The following IGF2BP3 variants were observed in gnomAD, a reference collection of about 807,000 sequenced individuals.
IGF2BP3 encodes the protein insulin like growth factor 2 mRNA binding protein 3.
Under a neutral mutation model 73.8 loss-of-function variants are expected in IGF2BP3, and 9 were observed. That is an observed-to-expected ratio of 0.12 (90% CI 0.07 to 0.21). IGF2BP3 has a LOEUF of 0.21. IGF2BP3 is among the 10% of genes least tolerant of loss of function. IGF2BP3 has a pLI of 1.00. For missense variants in IGF2BP3, 542 were observed against 714.0 expected (o/e 0.76, Z 2.75); for synonymous variants, 258 against 256.7 (o/e 1.01, Z -0.05).
intron 3 of IGF2BP3, 119 bp downstream of exon 3, chr7:23,418,657 G>A: frequency 1.5e-6 from 1 of 648,256 alleles, no homozygotes; most frequent in Non-Finnish European, 2.7e-6. Flanking sequence ...CGGGTCATAG[G>A]AGAAGAATTT....
At chr7:23,427,727 G>A (rs1473074728) in intron 2 of IGF2BP3, among the ~76,000 whole-genome samples, 3 of 152,060 alleles carry the variant, frequency 2.0e-5, no homozygotes, top group African/African-American at 7.2e-5. Flanking sequence ...GAAAAATTAG[G>A]CCAGGCACAG....
At chr7:23,350,615 T>C (rs1305426139) in intron 6 of IGF2BP3, among the ~76,000 whole-genome samples, 1 of 152,254 alleles carries the variant, frequency 6.6e-6, no homozygotes, top group Non-Finnish European at 1.5e-5. Flanking sequence ...TCAAACATAA[T>C]TCACATACAG....
At chr7:23,354,815 A>G (rs1785051925) in intron 5 of IGF2BP3, among the ~76,000 whole-genome samples, 1 of 152,226 alleles carries the variant, frequency 6.6e-6, no homozygotes, top group Non-Finnish European at 1.5e-5. Context: ...GAATGCAGAC[A>G]GCCACTACTG....
intron 2 of IGF2BP3, among the ~76,000 whole-genome samples, chr7:23,456,948 C>T (rs749204397): frequency 5.9e-5 from 9 of 152,118 alleles, no homozygotes; most frequent in Non-Finnish European, 1.0e-4. Context: ...ACTCGGGAGG[C>T]TGAGGCAGGA....
intron 3 of IGF2BP3, among the ~76,000 whole-genome samples, chr7:23,396,217 A>G (rs555454636): frequency 6.6e-6 from 1 of 152,212 alleles, no homozygotes; most frequent in Non-Finnish European, 1.5e-5. Context: ...AGAAACAGAC[A>G]CAAGTCATAA....
intron 2 of IGF2BP3, among the ~76,000 whole-genome samples, chr7:23,449,532 AT>A (rs1027228848): frequency 7.4e-6 from 1 of 135,294 alleles, no homozygotes; most frequent in Non-Finnish European, 1.6e-5. Context: ...ACCTGATACA[AT>A]TTTTTTTCCT....
intron 10 of IGF2BP3, among the ~76,000 whole-genome samples, chr7:23,333,761 G>A (rs1467788231): frequency 2.0e-5 from 3 of 152,240 alleles, no homozygotes; most frequent in African/African-American, 7.2e-5. Flanking sequence ...CACACCAGGA[G>A]ATGCTGCCCT....
At chr7:23,320,767 G>C (rs1031512349) in intron 10 of IGF2BP3, among the ~76,000 whole-genome samples, 1 of 151,202 alleles carries the variant, frequency 6.6e-6, no homozygotes, top group Non-Finnish European at 1.5e-5. Flanking sequence ...GGGCAACATG[G>C]CAAAACCCCA....
chr7:23,343,304 T>C lies in IGF2BP3; in HGVS notation c.1077+414A>G, dbSNP rs544502986. 8.9e-4 allele frequency among the ~76,000 whole-genome samples: 136 copies of C among 152,346 alleles called. 2 individuals are homozygous for C. Among genetic ancestry groups the C allele is most frequent in the South Asian group, 1.7e-3 (8 of 4,830 alleles). On this transcript the variant is annotated intron_variant, in intron 9 of 14. Transcript: ENST00000258729. ...AGTCCCATTTTACAGATGAGTAAAC[T>C]GAGCCTCAGAGAGACTGAGTAAATC...
intron 2 of IGF2BP3, among the ~76,000 whole-genome samples, chr7:23,456,270 T>C (rs1387568736): frequency 6.6e-6 from 1 of 151,890 alleles, no homozygotes; most frequent in African/African-American, 2.4e-5. Context: ...CAACCAGCAT[T>C]TTTTTTGTTG....
At chr7:23,461,746 A>G (rs1365250609) in intron 2 of IGF2BP3, among the ~76,000 whole-genome samples, 2 of 152,188 alleles carry the variant, frequency 1.3e-5, no homozygotes, top group African/African-American at 2.4e-5. Context: ...GCATTTTGAA[A>G]CCACTACTCC....
chr7:23,321,969 G>A (rs1784167286), intron 10 of IGF2BP3, among the ~76,000 whole-genome samples: 1 of 152,080 alleles, frequency 6.6e-6, no homozygotes, highest in Non-Finnish European at 1.5e-5. Context: ...CACAAAGACG[G>A]GGAAAAAACA....
chr7:23,432,939 G>A (rs1019194431), intron 2 of IGF2BP3, among the ~76,000 whole-genome samples: 2 of 152,192 alleles, frequency 1.3e-5, no homozygotes, highest in African/African-American at 4.8e-5. Flanking sequence ...GCCTGTATAT[G>A]TGCCTTTAAA....
At chr7:23,407,729 T>A (rs1264913147) in intron 3 of IGF2BP3, among the ~76,000 whole-genome samples, 1 of 151,800 alleles carries the variant, frequency 6.6e-6, no homozygotes, top group African/African-American at 2.4e-5. Context: ...AAGGTAAACA[T>A]GTTTTCCCAA....
At chr7:23,373,378 T>C (rs1785617022) in intron 3 of IGF2BP3, among the ~76,000 whole-genome samples, 1 of 152,140 alleles carries the variant, frequency 6.6e-6, no homozygotes, top group African/African-American at 2.4e-5. Context: ...CTCCAGGTGT[T>C]TTTAGAAGTG....
chr7:23,431,098 CAT>C (rs1336728813), intron 2 of IGF2BP3: 2 of 152,158 alleles, frequency 1.3e-5, no homozygotes, highest in African/African-American at 2.4e-5. Flanking sequence ...ACAAAATGTA[CAT>C]ATCTGTACAT....
At chr7:23,325,477 C>A (rs1427835479) in intron 10 of IGF2BP3, among the ~76,000 whole-genome samples, 1 of 152,122 alleles carries the variant, frequency 6.6e-6, no homozygotes, top group Non-Finnish European at 1.5e-5. Context: ...GAATCAATAT[C>A]GTGAAAATGG....
intron 3 of IGF2BP3, among the ~76,000 whole-genome samples, chr7:23,368,734 C>A (rs1785460394): frequency 6.6e-6 from 1 of 151,962 alleles, no homozygotes; most frequent in South Asian, 2.1e-4. Context: ...CTCGCACCTA[C>A]TAAAAATACA....
At chr7:23,442,451 A>T (rs544915816) in intron 2 of IGF2BP3, among the ~76,000 whole-genome samples, 1 of 152,056 alleles carries the variant, frequency 6.6e-6, no homozygotes, top group East Asian at 1.9e-4. Context: ...AGGCTGGAGT[A>T]CAGTGGCCTG....
Sources: allele counts gnomAD v4.1 joint callset (sites outside exome capture counted in the v4.1 genomes callset), GRCh38; gene constraint gnomAD v4.1.1; transcripts MANE v1.5; gene names NCBI Gene and HGNC (gene_info 2026-07-23, HGNC 2026-07-21).